SLC10A6: variants seen among roughly 807,000 people sequenced by gnomAD.
SLC10A6 encodes the protein solute carrier family 10 member 6.
Under a neutral mutation model 30.0 loss-of-function variants are expected in SLC10A6, and 27 were observed. That is an observed-to-expected ratio of 0.90 (90% CI 0.66 to 1.24). The LOEUF is 1.24. Among genes scored for constraint, SLC10A6 ranks in the 50% most tolerant of loss-of-function variants. The pLI, the probability that SLC10A6 is intolerant of heterozygous loss-of-function variation, is 0.00. For synonymous variants in SLC10A6, 166 were observed against 173.8 expected (o/e 0.95, Z 0.36); for missense variants, 439 against 457.0 (o/e 0.96, Z 0.36).
rs577313848 is a variant in SLC10A6, at chr4:86,824,026, G to A, written c.920-124C>T. 15 of 774,716 alleles carry A rather than the reference G, an allele frequency of 1.9e-5. No individual in the cohort carries two copies. The East Asian group carries it at 3.8e-4, about 20-fold the overall frequency. 48.0% of individuals were successfully genotyped at this position (774,716 alleles called of 1,614,324 possible). A position where few individuals can be genotyped will look rare whatever the true frequency, so the allele number is the denominator to read the frequency against. On this transcript the variant is annotated intron_variant, in intron 5 of 5. Coordinates refer to ENST00000273905, the MANE Select transcript of SLC10A6 (RefSeq NM_197965.3). Reference sequence around the variant, plus strand: ...GGCATCATGTATGTATAAACACCCAGGGAAAAGAAGGGGGAAAGAGAGAAA... The same window carrying A: ...GGCATCATGTATGTATAAACACCCAAGGAAAAGAAGGGGGAAAGAGAGAAA...
chr4:86,823,650 T>C lies in SLC10A6; in HGVS notation c.*38A>G, dbSNP rs960332388. The C allele has an allele frequency of 6.6e-7, 1 of 1,520,964 alleles. No individual in the cohort carries two copies. The highest frequency in any genetic ancestry group is 2.3e-4 in the Middle Eastern group (1 of 4,394). The allele number at this position is 1,520,964 out of a possible 1,614,324, so 94.2% of individuals were successfully genotyped here. A position where few individuals can be genotyped will look rare whatever the true frequency, so the allele number is the denominator to read the frequency against. On this transcript the variant is annotated 3_prime_UTR_variant, in exon 6 of 6. Transcript: ENST00000273905. Reference sequence around the variant, plus strand: ...GCTGCACACTGTCTTTACTGGCCACTGAAAAAGAAGGGGGCCAGTCCAGCC... The same window carrying C: ...GCTGCACACTGTCTTTACTGGCCACCGAAAAAGAAGGGGGCCAGTCCAGCC...
At chr4:86,845,388 G>T (rs951071558) in intron 1 of SLC10A6, among the ~76,000 whole-genome samples, 2 of 152,194 alleles carry the variant, frequency 1.3e-5, no homozygotes, top group African/African-American at 2.4e-5. Context: ...TGGAATAAAA[G>T]AACCTGGAGA....
At chr4:86,842,882 T>TTCTTTCTTTC (rs1204833862) in intron 1 of SLC10A6, among the ~76,000 whole-genome samples, 3 of 98,734 alleles carry the variant, frequency 3.0e-5, no homozygotes, top group Admixed American at 1.3e-4. Flanking sequence ...TTCTTTTTTT[T>TTCTTTCTTTC]TTTGAGATGG....
intron 1 of SLC10A6, chr4:86,837,755 T>G: frequency 2.5e-6 from 1 of 401,536 alleles, no homozygotes; most frequent in Non-Finnish European, 3.4e-6. Context: ...GTCAAATATT[T>G]TATCTTTCAA....
intron 5 of SLC10A6, 123 bp downstream of exon 5, chr4:86,825,297 G>T: frequency 1.2e-6 from 1 of 848,534 alleles, no homozygotes; most frequent in Non-Finnish European, 1.8e-6. Flanking sequence ...CCCCAGAAAT[G>T]TCAGGCTTTC....
In SLC10A6 at chr4:86,844,478, G is replaced by A. The variant is rs74566610; in HGVS notation, c.377+4261C>T. On this transcript the variant is annotated intron_variant, in intron 1 of 5. Coordinates refer to ENST00000273905, the MANE Select transcript of SLC10A6 (RefSeq NM_197965.3). The stretch of plus-strand genomic sequence containing the variant: ...GTTCAGCCCATCAAGAGGCAAAATC[G>A]ACTTTCCTAATCCATGAAGCTGGAC... Among the ~76,000 whole-genome samples, 1,276 of 152,264 alleles carry A rather than the reference G, an allele frequency of 8.4e-3. 18 individuals carry two copies. Among genetic ancestry groups the A allele is most frequent in the African/African-American group, 0.029 (1,193 of 41,546 alleles).
intron 1 of SLC10A6, among the ~76,000 whole-genome samples, chr4:86,843,975 A>G (rs1185652608): frequency 1.3e-5 from 2 of 152,050 alleles, no homozygotes; most frequent in Non-Finnish European, 2.9e-5. Context: ...TCAGGAGATC[A>G]AGACCATCCT....
chr4:86,848,719 G>A lies in SLC10A6; in HGVS notation c.377+20C>T. On this transcript the variant is annotated intron_variant, in intron 1 of 5. Transcript: ENST00000273905. The stretch of plus-strand genomic sequence containing the variant: ...GGCAGGATAAGAGACAGACTGCTGA[G>A]CTTCCCTGGGGTTACTTACCTGAGA... 1 of 1,548,800 alleles carries A rather than the reference G, an allele frequency of 6.5e-7. No individual in the cohort carries two copies. The highest frequency in any genetic ancestry group is 8.7e-7 in the Non-Finnish European group (1 of 1,149,344).
chr4:86,839,832 C>T (rs1211246858), intron 1 of SLC10A6, among the ~76,000 whole-genome samples: 1 of 152,084 alleles, frequency 6.6e-6, no homozygotes, highest in South Asian at 2.1e-4. Flanking sequence ...CTTGCCTACT[C>T]CGGATGTGAT....
chr4:86,845,394 G>A (rs1252911161), intron 1 of SLC10A6, among the ~76,000 whole-genome samples: 1 of 152,140 alleles, frequency 6.6e-6, no homozygotes, highest in Non-Finnish European at 1.5e-5. Flanking sequence ...AAAAGAACCT[G>A]GAGAAGTAAA....
At chr4:86,823,962 C>A in intron 5 of SLC10A6, 60 bp from the exon 6 acceptor site, 1 of 1,450,328 alleles carries the variant, frequency 6.9e-7, no homozygotes, top group Non-Finnish European at 9.4e-7. Flanking sequence ...AATTTGGTGA[C>A]ACTGTACACT....
chr4:86,846,761 G>C (rs1046729570), intron 1 of SLC10A6, among the ~76,000 whole-genome samples: 1 of 152,116 alleles, frequency 6.6e-6, no homozygotes, highest in African/African-American at 2.4e-5. Flanking sequence ...GTGTGTTTGA[G>C]TGTGTGTACA....
chr4:86,842,656 C>T lies in SLC10A6; in HGVS notation c.377+6083G>A, dbSNP rs547429257. 5.4e-5 allele frequency among the ~76,000 whole-genome samples: 8 copies of T among 147,984 alleles called. No individual in the cohort carries two copies. The East Asian group carries it at 1.6e-3, about 29-fold the overall frequency. On this transcript the variant is annotated intron_variant, in intron 1 of 5. Coordinates refer to ENST00000273905, the MANE Select transcript of SLC10A6 (RefSeq NM_197965.3). The stretch of plus-strand genomic sequence containing the variant: ...AGACTTCAGTGAGCCATGATTGTAC[C>T]ACTGCACTCCAGTCTGATGACAGAG...
intron 2 of SLC10A6, among the ~76,000 whole-genome samples, chr4:86,832,566 G>C (rs1004168454): frequency 2.7e-5 from 4 of 150,258 alleles, no homozygotes; most frequent in Non-Finnish European, 5.9e-5. Context: ...ACTCCAGCCT[G>C]AGTGACAGAG....
intron 1 of SLC10A6, among the ~76,000 whole-genome samples, chr4:86,842,404 G>A (rs888930586): frequency 3.3e-5 from 5 of 152,148 alleles, no homozygotes; most frequent in African/African-American, 1.2e-4. Context: ...AAAGATAGTG[G>A]GAGGCCAGGC....
In SLC10A6 at chr4:86,849,372, T is replaced by C; in HGVS notation, c.-257A>G. The C allele has an allele frequency of 4.3e-6, 2 of 465,042 alleles. No homozygotes were observed. The highest frequency in any genetic ancestry group is 6.5e-5 in the South Asian group (2 of 30,820). 28.8% of individuals were successfully genotyped at this position (465,042 alleles called of 1,614,324 possible). A position where few individuals can be genotyped will look rare whatever the true frequency, so the allele number is the denominator to read the frequency against. ...TTCCACTTCTGTTCTTACTCACCAC[T>C]GAATATGTATGTGAGATGAGACAAA... On this transcript the variant is annotated 5_prime_UTR_variant, in exon 1 of 6. Coordinates refer to ENST00000273905, the MANE Select transcript of SLC10A6 (RefSeq NM_197965.3).
At chr4:86,843,900 C>G (rs866228635) in intron 1 of SLC10A6, among the ~76,000 whole-genome samples, 1 of 152,014 alleles carries the variant, frequency 6.6e-6, no homozygotes, top group South Asian at 2.1e-4. Context: ...GGAAACTGGC[C>G]GGGCTCGGTG....
Position 86,849,133 on chromosome 4 carries a change from G to T in SLC10A6, c.-18C>A. ...GCTCTCATCTCCTCATCTCCTTAAG[G>T]CAGCATTACAAATGAACATCGGCAA... is the stretch of plus-strand genomic sequence containing the variant. On this transcript the variant is annotated 5_prime_UTR_variant, in exon 1 of 6. Coordinates refer to ENST00000273905, the MANE Select transcript of SLC10A6 (RefSeq NM_197965.3). 6.3e-7 allele frequency: 1 copy of T among 1,593,634 alleles called. No homozygotes were observed. Among genetic ancestry groups the T allele is most frequent in the South Asian group, 1.1e-5 (1 of 88,106 alleles).
At chr4:86,836,068 CA>C (rs1746180070) in intron 1 of SLC10A6, among the ~76,000 whole-genome samples, 1 of 152,148 alleles carries the variant, frequency 6.6e-6, no homozygotes, top group Non-Finnish European at 1.5e-5. Context: ...AAACCAAAAC[CA>C]ACAGCCATGC....
Sources: gnomAD v4.1 joint callset for allele counts (sites outside exome capture counted in the v4.1 genomes callset) on GRCh38, gnomAD v4.1.1 for gene constraint, MANE v1.5 for transcripts, NCBI Gene and HGNC (gene_info 2026-07-23, HGNC 2026-07-21) for gene names.